The following TNRC6C variants were observed in gnomAD, a reference collection of about 807,000 sequenced individuals.
TNRC6C encodes the protein trinucleotide repeat containing adaptor 6C.
A neutral mutation model predicts 153.7 loss-of-function variants in TNRC6C; 20 were observed. The observed-to-expected ratio is 0.13, with a 90% confidence interval of 0.09 to 0.19. The LOEUF is 0.19. Ranked by LOEUF, TNRC6C falls within the 10% of genes least tolerant of loss-of-function variation. The pLI is 1.00. For synonymous variants in TNRC6C, 811 were observed against 841.4 expected (o/e 0.96, Z 0.63); for missense variants, 1,987 against 2,172.0 (o/e 0.91, Z 1.69).
chr17:78,028,062 A>G (rs1377878167), intron 1 of TNRC6C, among the ~76,000 whole-genome samples: 1 of 151,144 alleles, frequency 6.6e-6, no homozygotes, highest in Non-Finnish European at 1.5e-5. Context: ...TGCCCGGCTA[A>G]TTTTTTTTTG....
At chr17:77,961,863 C>A (rs926106870) in intron 1 of TNRC6C, among the ~76,000 whole-genome samples, 10 of 152,214 alleles carry the variant, frequency 6.6e-5, no homozygotes, top group Non-Finnish European at 1.3e-4. Context: ...GCTACCGCCA[C>A]CTTTTTGTTA....
At chr17:78,096,912 A>T (rs558164580) in intron 16 of TNRC6C, among the ~76,000 whole-genome samples, 1 of 152,368 alleles carries the variant, frequency 6.6e-6, no homozygotes, top group Non-Finnish European at 1.5e-5. Context: ...GAGGTGCCTT[A>T]AGGATGGCCC....
chr17:78,061,849 ATTCT>A (rs2072775465), intron 3 of TNRC6C, among the ~76,000 whole-genome samples: 1 of 152,224 alleles, frequency 6.6e-6, no homozygotes. Flanking sequence ...GGAATTTTAA[ATTCT>A]TTATAAAAAT....
upstream of TNRC6C, among the ~76,000 whole-genome samples, chr17:78,000,452 C>T (rs2071393196): frequency 6.6e-6 from 1 of 152,158 alleles, no homozygotes; most frequent in Non-Finnish European, 1.5e-5. Context: ...ATTTCTATGA[C>T]AACTGCATAG....
intron 3 of TNRC6C, among the ~76,000 whole-genome samples, chr17:78,053,485 C>T (rs1012879557): frequency 3.3e-4 from 50 of 151,908 alleles, no homozygotes; most frequent in South Asian, 6.2e-4. Flanking sequence ...CAAAATTAGC[C>T]GGGCATGGTG....
Position 77,995,259 on chromosome 17 carries a change from C to T in TNRC6C, c.-37-8911C>T, listed in dbSNP as rs369119594. ...GTGTTGACGGAACTTGAAAGCAGTT[C>T]GTGGGAAGGCATCTCACCAGAGGCA... On this transcript the variant is annotated intron_variant, in intron 1 of 22. Transcript: ENST00000636222. Among the ~76,000 whole-genome samples the T allele has an allele frequency of 5.3e-5, 8 of 152,156 alleles. No individual in the cohort carries two copies. The East Asian group carries it at 7.7e-4, about 15-fold the overall frequency.
Position 78,028,662 on chromosome 17 carries a change from T to C in TNRC6C, c.-545-2854T>C, listed in dbSNP as rs112449282. Among the ~76,000 whole-genome samples the C allele has an allele frequency of 3.4e-3, 521 of 152,118 alleles. 2 individuals carry two copies. Among genetic ancestry groups the C allele is most frequent in the African/African-American group, 0.012 (502 of 41,402 alleles). On this transcript the variant is annotated intron_variant, in intron 1 of 19. Transcript: ENST00000301624. ...ACTGCAGGTAGACTGGAGCTGACAA[T>C]GTAAAGGGAAACAGTACCGTATCAT... is the stretch of plus-strand genomic sequence containing the variant.
At chr17:78,064,674 C>T (rs753571939) in intron 3 of TNRC6C, 48 bp from the exon 6 acceptor site, 20 of 1,568,790 alleles carry the variant, frequency 1.3e-5, no homozygotes, top group Non-Finnish European at 1.1e-5. Flanking sequence ...TTTTGCTTTT[C>T]TCTGATGCAC....
At chr17:77,996,079 A>G in intron 1 of TNRC6C, among the ~76,000 whole-genome samples, 1 of 149,496 alleles carries the variant, frequency 6.7e-6, no homozygotes, top group South Asian at 2.1e-4. Flanking sequence ...TCTCAAAAAC[A>G]AACAACAATC....
intron 12 of TNRC6C, 98 bp downstream of exon 14, chr17:78,086,684 C>G (rs1205943214): frequency 5.5e-5 from 85 of 1,556,664 alleles, no homozygotes; most frequent in Non-Finnish European, 7.1e-5. Context: ...TGATTTTTCT[C>G]TAGCCAAGCC....
chr17:78,036,600 C>T (rs1375757324), intron 2 of TNRC6C, among the ~76,000 whole-genome samples: 1 of 152,058 alleles, frequency 6.6e-6, no homozygotes, highest in African/African-American at 2.4e-5. Flanking sequence ...TATACTGTTA[C>T]AGTACAAGGC....
chr17:78,090,290 A>C (rs567426639), intron 13 of TNRC6C, among the ~76,000 whole-genome samples: 2 of 151,576 alleles, frequency 1.3e-5, no homozygotes, highest in Admixed American at 6.6e-5. Flanking sequence ...CAGGACAGAC[A>C]CTCTCTGGTT....
chr17:77,977,955 G>A (rs964556539), intron 1 of TNRC6C, among the ~76,000 whole-genome samples: 2 of 148,078 alleles, frequency 1.4e-5, no homozygotes, highest in Admixed American at 1.4e-4. Context: ...GAGTGCAGTG[G>A]CGCAATCTCG....
At chr17:77,971,967 A>G (rs2070943323) in intron 1 of TNRC6C, among the ~76,000 whole-genome samples, 1 of 151,966 alleles carries the variant, frequency 6.6e-6, no homozygotes, top group South Asian at 2.1e-4. Context: ...TGTATTAGAA[A>G]AGGAGAAAGA....
chr17:77,983,463 G>C (rs2071110797), intron 1 of TNRC6C, among the ~76,000 whole-genome samples: 2 of 152,172 alleles, frequency 1.3e-5, no homozygotes, highest in Non-Finnish European at 2.9e-5. Context: ...GGATTCTCTA[G>C]AGTGTCTCTT....
upstream of TNRC6C, among the ~76,000 whole-genome samples, chr17:77,958,657 C>T (rs555235982): frequency 1.4e-3 from 212 of 151,752 alleles, 4 homozygotes; most frequent in East Asian, 0.034. Context: ...GGGAAGGGGG[C>T]GCGAGCGCCC....
intron 1 of TNRC6C, among the ~76,000 whole-genome samples, chr17:77,990,497 C>T (rs1195925620): frequency 1.3e-5 from 2 of 152,150 alleles, no homozygotes; most frequent in African/African-American, 4.8e-5. Flanking sequence ...ATCCTGTGTG[C>T]CTTCCCACTG....
At chr17:77,990,898 A>G (rs75039574) in intron 1 of TNRC6C, among the ~76,000 whole-genome samples, 1,663 of 152,270 alleles carry the variant, frequency 0.011, 25 homozygotes, top group African/African-American at 0.038. Flanking sequence ...CATTTATTCT[A>G]AGAAGCACAT....
At chr17:78,003,567 AAACAT>A (rs1381059029), upstream of TNRC6C, among the ~76,000 whole-genome samples, 14 of 152,340 alleles carry the variant, frequency 9.2e-5, no homozygotes, top group Admixed American at 3.9e-4. Flanking sequence ...AAAGAGTAGA[AAACAT>A]AAGAGAAACA....
Sources: gnomAD v4.1 joint callset for allele counts (sites outside exome capture counted in the v4.1 genomes callset) on GRCh38, gnomAD v4.1.1 for gene constraint, MANE v1.5 for transcripts, NCBI Gene and HGNC (gene_info 2026-07-23, HGNC 2026-07-21) for gene names.